Variants in CHN2 observed in about 807,000 individuals in gnomAD.
CHN2 encodes chimerin 2.
Under a neutral mutation model 56.3 loss-of-function variants are expected in CHN2, and 35 were observed. The observed-to-expected ratio is 0.62, with a 90% CI of 0.47 to 0.82. CHN2 has a LOEUF of 0.82. Among genes scored for constraint, CHN2 ranks in the 40% least tolerant of loss-of-function variants. CHN2 has a pLI of 0.00. For synonymous variants in CHN2, 210 were observed against 212.8 expected, an observed-to-expected ratio of 0.99 and a Z score of 0.12; for missense variants, 491 against 580.5, an observed-to-expected ratio of 0.85 and a Z score of 1.58.
At chr7:29,496,493 G>A (rs1406981533) in intron 8 of CHN2, among the ~76,000 whole-genome samples, 1 of 151,736 alleles carries the variant, frequency 6.6e-6, no homozygotes, top group African/African-American at 2.4e-5. Context: ...ACAGACCTTG[G>A]GGGAGATGCA....
At chr7:29,419,012 C>G (rs1804058020) in intron 6 of CHN2, among the ~76,000 whole-genome samples, 1 of 152,146 alleles carries the variant, frequency 6.6e-6, no homozygotes, top group African/African-American at 2.4e-5. Context: ...GATGACTTCT[C>G]AGCGTACCAG....
chr7:29,456,948 CCTT>C (rs1316754294), intron 6 of CHN2, among the ~76,000 whole-genome samples: 1 of 151,936 alleles, frequency 6.6e-6, no homozygotes, highest in Non-Finnish European at 1.5e-5. Context: ...AGCCCAGAAT[CCTT>C]CTCAACTCAT....
intron 1 of CHN2, among the ~76,000 whole-genome samples, chr7:29,309,385 ACT>A (rs980745957): frequency 2.6e-5 from 4 of 151,568 alleles, no homozygotes; most frequent in Non-Finnish European, 5.9e-5. Context: ...TACCATCCTA[ACT>A]CTTCCCCCAC....
intron 12 of CHN2, among the ~76,000 whole-genome samples, chr7:29,511,282 A>ATTAAT (rs1203312198): frequency 6.8e-6 from 1 of 146,128 alleles, no homozygotes; most frequent in African/African-American, 2.5e-5. Flanking sequence ...TCCCATTCTG[A>ATTAAT]TTAATTTACT....
intron 5 of CHN2, 144 bp from the exon 6 acceptor site, chr7:29,400,399 G>A (rs921986886): frequency 2.8e-5 from 21 of 759,672 alleles, no homozygotes; most frequent in East Asian, 7.8e-5. Flanking sequence ...CTCTGTGAGC[G>A]TTAGGGGAAA....
intron 3 of CHN2, among the ~76,000 whole-genome samples, chr7:29,381,589 C>T (rs1010305868): frequency 6.6e-6 from 1 of 151,834 alleles, no homozygotes; most frequent in African/African-American, 2.4e-5. Context: ...GAAGGTGCTG[C>T]CAAGGTGTCC....
chr7:29,301,911 AG>A (rs1793703929), intron 1 of CHN2, among the ~76,000 whole-genome samples: 1 of 152,230 alleles, frequency 6.6e-6, no homozygotes, highest in South Asian at 2.1e-4. Context: ...AGCCATCTGC[AG>A]CCCTAGCTAG....
At chr7:29,358,601 T>G (rs1798498926) in intron 2 of CHN2, among the ~76,000 whole-genome samples, 1 of 151,984 alleles carries the variant, frequency 6.6e-6, no homozygotes, top group African/African-American at 2.4e-5. Context: ...TAGCTGGGAC[T>G]ACAGGCACCC....
intron 7 of CHN2, among the ~76,000 whole-genome samples, chr7:29,488,371 C>G (rs1788278150): frequency 6.6e-6 from 1 of 152,130 alleles, no homozygotes; most frequent in South Asian, 2.1e-4. Flanking sequence ...GATCTGGAAG[C>G]CTTGACTGTG....
chr7:29,358,396 TA>T lies in CHN2; in HGVS notation c.88+3741del, dbSNP rs939401899. Among the ~76,000 whole-genome samples the T allele has an allele frequency of 8.5e-5, 13 of 152,150 alleles. No individual in the cohort carries two copies. The East Asian group carries it at 1.3e-3, about 16-fold the overall frequency. ...CTGTGCAACAGCGAGACCCTGTCTCTAAAAAAAATTTTAATTTAAAAATAAA... is the reference window on the plus strand; with the variant it reads ...CTGTGCAACAGCGAGACCCTGTCTCTAAAAAAATTTTAATTTAAAAATAAA... On this transcript the variant is annotated intron_variant, in intron 2 of 12. Transcript: ENST00000222792.
chr7:29,511,232 G>C (rs1426983134), intron 12 of CHN2, among the ~76,000 whole-genome samples: 1 of 44,936 alleles, frequency 2.2e-5, no homozygotes, highest in Non-Finnish European at 5.3e-5. Flanking sequence ...CAATATTGTT[G>C]CTCAGATTCA....
At chr7:29,259,240 A>G (rs1789339174) in intron 1 of CHN2, among the ~76,000 whole-genome samples, 1 of 151,940 alleles carries the variant, frequency 6.6e-6, no homozygotes, top group Non-Finnish European at 1.5e-5. Context: ...AGGTGGGAGA[A>G]TTACTTGAGC....
intron 1 of CHN2, among the ~76,000 whole-genome samples, chr7:29,343,397 T>C (rs993340420): frequency 1.3e-5 from 2 of 152,142 alleles, no homozygotes; most frequent in South Asian, 2.1e-4. Flanking sequence ...CCTCAACCCC[T>C]TGTCTCCCTG....
chr7:29,324,582 G>A (rs1270416220), intron 1 of CHN2, among the ~76,000 whole-genome samples: 2 of 151,322 alleles, frequency 1.3e-5, no homozygotes, highest in African/African-American at 2.4e-5. Flanking sequence ...CTGCTAGATC[G>A]TGTCTTCTAA....
At chr7:29,160,552 A>G (rs1309725472) in intron 2 of CHN2, among the ~76,000 whole-genome samples, 7 of 152,126 alleles carry the variant, frequency 4.6e-5, no homozygotes, top group Non-Finnish European at 8.8e-5. Context: ...ATATAATGAG[A>G]ATTCTAATGG....
chr7:29,157,083 A>G (rs1051990249), intron 2 of CHN2, among the ~76,000 whole-genome samples: 1 of 152,206 alleles, frequency 6.6e-6, no homozygotes. Flanking sequence ...GACAAATTGT[A>G]GGGAAATGAA....
intron 2 of CHN2, among the ~76,000 whole-genome samples, chr7:29,148,051 C>T (rs1793012564): frequency 6.6e-6 from 1 of 152,178 alleles, no homozygotes; most frequent in South Asian, 2.1e-4. Context: ...GTCCCCCAGC[C>T]ACCTCTTGGG....
In CHN2 at chr7:29,509,487, C is replaced by T. The variant is rs1189820868; in HGVS notation, c.1235+81C>T. On this transcript the variant is annotated intron_variant, in intron 12 of 12. Transcript: ENST00000222792. Reference sequence around the variant, plus strand: ...GAGGAAAAGTGGACGGCATTCCTCCCCAGCCATAACTGCTGGAGTTTCACT... The same window carrying T: ...GAGGAAAAGTGGACGGCATTCCTCCTCAGCCATAACTGCTGGAGTTTCACT... 87 of 1,042,948 alleles carry T rather than the reference C, an allele frequency of 8.3e-5. No homozygotes were observed. In the Admixed American group the frequency reaches 1.6e-3, roughly 19 times the overall value. 64.6% of individuals were successfully genotyped at this position (1,042,948 alleles called of 1,614,324 possible). A position where few individuals can be genotyped will look rare whatever the true frequency, so the allele number is the denominator to read the frequency against.
At chr7:29,435,466 A>G (rs1481625779) in intron 6 of CHN2, among the ~76,000 whole-genome samples, 1 of 152,232 alleles carries the variant, frequency 6.6e-6, no homozygotes, top group Non-Finnish European at 1.5e-5. Flanking sequence ...TACACAAAGT[A>G]AGTGGTAGAG....
Sources: gnomAD v4.1 joint callset for allele counts (sites outside exome capture counted in the v4.1 genomes callset) on GRCh38, gnomAD v4.1.1 for gene constraint, MANE v1.5 for transcripts, NCBI Gene and HGNC (gene_info 2026-07-23, HGNC 2026-07-21) for gene names.